UBR4: variants seen among roughly 807,000 people sequenced by gnomAD.
UBR4 encodes E3 ubiquitin-protein ligase UBR4.
Under a neutral mutation model 575.6 loss-of-function variants are expected in UBR4, and 124 were observed. The observed-to-expected ratio is 0.22, with a 90% CI of 0.19 to 0.25. The LOEUF is 0.25. Among genes scored for constraint, UBR4 ranks in the 10% least tolerant of loss-of-function variants. The pLI is 1.00. For synonymous variants in UBR4, 2,455 were observed against 2,473.7 expected, an observed-to-expected ratio of 0.99 and a Z score of 0.22; for missense variants, 4,818 against 6,478.8, an observed-to-expected ratio of 0.74 and a Z score of 8.80.
In UBR4 at chr1:19,106,676, A is replaced by G; in HGVS notation, c.12286T>C (p.Tyr4096His). The G allele has an allele frequency of 6.2e-7, 1 of 1,610,096 alleles. No homozygotes were observed. Among genetic ancestry groups the G allele is most frequent in the Non-Finnish European group, 8.5e-7 (1 of 1,177,838 alleles). ...APSKSELRHL[Y>H]LTEKYVWRWK... ...CTCCACACATACTTCTCAGTCAAAT[A>G]GAGATGGCGGAGCTCTGATTTGCTG... Residue 4096 changes from tyrosine to histidine, a missense_variant, in exon 83 of 106, where the codon TAT becomes CAT. Coordinates refer to ENST00000375254, the MANE Select transcript of UBR4 (RefSeq NM_020765.3).
intron 105 of UBR4, 48 bp downstream of exon 105, chr1:19,076,692 G>A: frequency 6.2e-7 from 1 of 1,613,082 alleles, no homozygotes. Flanking sequence ...AGGAAGACAT[G>A]GGGCTTTGCT....
rs2082123110 is a variant in UBR4 at position 19,128,977 on chromosome 1, C to T, written c.9003+1G>A. 6.2e-7 allele frequency: 1 copy of T among 1,613,826 alleles called. No individual in the cohort carries two copies. The highest frequency in any genetic ancestry group is 8.5e-7 in the Non-Finnish European group (1 of 1,179,730). ...AGAGATCCAGGTGAGCTAAGAGATACCTGCATGTATGGGATGGCCCGGACA... is the reference window on the plus strand; with the variant it reads ...AGAGATCCAGGTGAGCTAAGAGATATCTGCATGTATGGGATGGCCCGGACA... On this transcript the variant is annotated splice_donor_variant, in intron 61 of 105. Coordinates refer to ENST00000375254, the MANE Select transcript of UBR4 (RefSeq NM_020765.3). LOFTEE classifies it high-confidence loss of function.
chr1:19,200,959 CAT>C (rs1447664504), intron 2 of UBR4, among the ~76,000 whole-genome samples: 2 of 152,132 alleles, frequency 1.3e-5, no homozygotes. Context: ...GCCTGGGCAA[CAT>C]AGAGAGACCC....
At chr1:19,167,587 T>C (rs1557876096) in intron 28 of UBR4, among the ~76,000 whole-genome samples, 1 of 152,216 alleles carries the variant, frequency 6.6e-6, no homozygotes, top group Non-Finnish European at 1.5e-5. Context: ...GCCAGGAACC[T>C]GGATCACTTT....
intron 64 of UBR4, among the ~76,000 whole-genome samples, chr1:19,126,072 C>T (rs1435327410): frequency 6.6e-6 from 1 of 152,014 alleles, no homozygotes; most frequent in Non-Finnish European, 1.5e-5. Context: ...ATCAGAAGGC[C>T]CATCTTCTTA....
intron 17 of UBR4, among the ~76,000 whole-genome samples, chr1:19,183,451 G>A (rs2091212652): frequency 6.6e-6 from 1 of 152,210 alleles, no homozygotes; most frequent in Non-Finnish European, 1.5e-5. Flanking sequence ...GCCGGGCGCG[G>A]TGGCTCACGC....
intron 87 of UBR4, among the ~76,000 whole-genome samples, chr1:19,103,337 G>C (rs928526906): frequency 6.6e-6 from 1 of 152,188 alleles, no homozygotes; most frequent in African/African-American, 2.4e-5. Context: ...GGCCGAGGCA[G>C]GCGGATCATC....
rs760145029 is a variant in UBR4, at chr1:19,156,783, G to A, written c.5903C>T (p.Ala1968Val). ...GATTTTTACCTTTAGCCCACAAACC[G>A]CCAAGTAGTCTTCCTTGCAGGGATT... ...TGNPCKEDYL[A>V]VCGLKDCHVL... is the part of the protein sequence containing the mutation. Residue 1968 changes from alanine to valine, a missense_variant, in exon 41 of 106, where the codon GCG becomes GTG. Ala to Val is a moderately conservative substitution (Grantham distance 64). Coordinates refer to ENST00000375254, the MANE Select transcript of UBR4 (RefSeq NM_020765.3). 1.4e-5 allele frequency: 22 copies of A among 1,613,508 alleles called. No individual in the cohort carries two copies. The highest frequency in any genetic ancestry group is 1.8e-5 in the Non-Finnish European group (21 of 1,179,630).
At chr1:19,083,876 A>G (rs1345295122) in intron 102 of UBR4, among the ~76,000 whole-genome samples, 3 of 152,248 alleles carry the variant, frequency 2.0e-5, no homozygotes, top group African/African-American at 7.2e-5. Context: ...CATAATGTGC[A>G]TATGGATAAA....
At chr1:19,155,310 A>C in intron 43 of UBR4, 131 bp downstream of exon 43, 5 of 1,116,750 alleles carry the variant, frequency 4.5e-6, no homozygotes, top group Non-Finnish European at 6.3e-6. Context: ...GGAAAAACAA[A>C]GAAAAAGAAA....
Position 19,112,568 on chromosome 1 carries a change from C to T in UBR4, c.11757G>A (p.Ala3919=), listed in dbSNP as rs2080024173. The change falls in exon 78 of 106, where the codon GCG becomes GCA. Residue 3919 remains alanine (A), a synonymous_variant. Transcript: ENST00000375254. ...GCTGGCGGACCTCCTCCCGCATGGCCGCAGCCCCTCGGCGAAGATTATAAT... is the reference window on the plus strand; with the variant it reads ...GCTGGCGGACCTCCTCCCGCATGGCTGCAGCCCCTCGGCGAAGATTATAAT... ...LFDYNLRRGA[A]AMREEVRQLM... The T allele has an allele frequency of 2.5e-6, 4 of 1,613,878 alleles. No individual in the cohort carries two copies. The highest frequency in any genetic ancestry group is 2.2e-5 in the South Asian group (2 of 91,054).
At chr1:19,087,335 G>A (rs1326323358) in intron 99 of UBR4, among the ~76,000 whole-genome samples, 1 of 152,216 alleles carries the variant, frequency 6.6e-6, no homozygotes, top group Non-Finnish European at 1.5e-5. Context: ...TGGCTGCTCT[G>A]CTCCTTTCAG....
At chr1:19,191,551 G>A (rs989414384) in intron 11 of UBR4, among the ~76,000 whole-genome samples, 1 of 152,082 alleles carries the variant, frequency 6.6e-6, no homozygotes, top group African/African-American at 2.4e-5. Flanking sequence ...GTTTATATAT[G>A]ATTATCTATA....
chr1:19,195,195 G>A lies in UBR4; in HGVS notation c.1019-1638C>T, dbSNP rs183655249. ...CAGGAGAATGGCGTGAAACCAGGAG[G>A]TGGAGCTTGCAGTGAGCCAAGACTG... is the stretch of plus-strand genomic sequence containing the variant. On this transcript the variant is annotated intron_variant, in intron 8 of 105. Transcript: ENST00000375254. Among the ~76,000 whole-genome samples the A allele has an allele frequency of 4.8e-3, 734 of 151,512 alleles. 2 individuals carry two copies. The highest frequency in any genetic ancestry group is 7.1e-3 in the Non-Finnish European group (481 of 67,896).
At chr1:19,191,801 G>A (rs1252830620) in intron 11 of UBR4, among the ~76,000 whole-genome samples, 1 of 152,148 alleles carries the variant, frequency 6.6e-6, no homozygotes, top group Non-Finnish European at 1.5e-5. Flanking sequence ...AAATATTACA[G>A]GAAGCAAACC....
Position 19,099,975 on chromosome 1 carries a change from T to A in UBR4, c.13222-298A>T, listed in dbSNP as rs975655424. 6.8e-6 allele frequency: 3 copies of A among 443,890 alleles called. No homozygotes were observed. The East Asian group carries it at 1.2e-4, about 17-fold the overall frequency. 27.5% of individuals were successfully genotyped at this position (443,890 alleles called of 1,614,324 possible). A position where few individuals can be genotyped will look rare whatever the true frequency, so the allele number is the denominator to read the frequency against. On this transcript the variant is annotated intron_variant, in intron 89 of 105. Coordinates refer to ENST00000375254, the MANE Select transcript of UBR4 (RefSeq NM_020765.3). ...AAAGGCTTTTCACTATGTAAAAATG[T>A]CAGACCCTCAACGGTCTGCCAGAAA...
chr1:19,143,868 TA>T, intron 55 of UBR4, 111 bp downstream of exon 55: 1 of 901,920 alleles, frequency 1.1e-6, no homozygotes. Flanking sequence ...GACAGATACA[TA>T]AAGTCTCCAG....
chr1:19,133,916 T>C (rs2082856517), intron 60 of UBR4, among the ~76,000 whole-genome samples: 4 of 151,910 alleles, frequency 2.6e-5, no homozygotes, highest in Admixed American at 2.6e-4. Context: ...CTGTCTCTAC[T>C]AAAAATACAA....
In UBR4 at chr1:19,176,688, T is replaced by C. The variant is rs750020554; in HGVS notation, c.2677A>G (p.Ser893Gly). ...NLLSPPFGWASGSQDSNSRRA... is the reference protein window; with the variant it reads ...NLLSPPFGWAGGSQDSNSRRA... Reference sequence around the variant, plus strand: ...CGGCTGTTGCTGTCCTGGGATCCACTTGCCCACCCAAAGGGAGGACTTAGC... The same window carrying C: ...CGGCTGTTGCTGTCCTGGGATCCACCTGCCCACCCAAAGGGAGGACTTAGC... Residue 893 changes from serine (S) to glycine (G), a missense_variant, in exon 20 of 106, where the codon AGT (serine) becomes GGT (glycine). Physicochemically the swap from Ser to Gly is moderately conservative, Grantham distance 56. Around this residue, in one of 29 missense-constraint regions of UBR4, gnomAD observed 1,172 missense variants for 1,259.7 expected, o/e 0.93. Transcript: ENST00000375254. 9 of 1,614,008 alleles carry C rather than the reference T, an allele frequency of 5.6e-6. No homozygotes were observed. Among genetic ancestry groups the C allele is most frequent in the Admixed American group, 1.7e-5 (1 of 60,010 alleles).
Sources: gnomAD v4.1 joint callset for allele counts (sites outside exome capture counted in the v4.1 genomes callset) on GRCh38, gnomAD v4.1.1 for gene constraint, gnomAD v4.1.1 regional missense constraint, MANE v1.5 for transcripts, NCBI Gene and HGNC (gene_info 2026-07-23, HGNC 2026-07-21) for gene names.